ENTPD1: variants seen among roughly 807,000 people sequenced by gnomAD.
The protein encoded by ENTPD1 is ATP diphosphohydrolase.
In ENTPD1, 33 loss-of-function variants were observed where a neutral mutation model predicts 57.0. The observed-to-expected ratio is 0.58, with a 90% CI of 0.44 to 0.77. The LOEUF (loss-of-function observed/expected upper bound fraction) is 0.77, where lower values mean the gene tolerates loss of function less well. ENTPD1 is among the 30% of genes least tolerant of loss of function. The pLI is 0.00. For missense variants in ENTPD1, 501 were observed against 603.4 expected, an observed-to-expected ratio of 0.83 and a Z score of 1.78; for synonymous variants, 202 against 218.8, an observed-to-expected ratio of 0.92 and a Z score of 0.68.
In ENTPD1 at chr10:95,777,178, G is replaced by A. The variant is rs576030042; in HGVS notation, c.16+20923G>A. Among the ~76,000 whole-genome samples the A allele has an allele frequency of 9.9e-5, 15 of 152,270 alleles. No individual in the cohort carries two copies. The South Asian group carries it at 1.9e-3, about 19-fold the overall frequency. On this transcript the variant is annotated intron_variant, in intron 1 of 9. Coordinates refer to ENST00000371205, the MANE Select transcript of ENTPD1 (RefSeq NM_001776.6). Reference sequence around the variant, plus strand: ...CATCCAGCTTTGTTTCTTTGCTGGCGAGGAGCTGTGATCCTTTGGAGGAAA... The same window carrying A: ...CATCCAGCTTTGTTTCTTTGCTGGCAAGGAGCTGTGATCCTTTGGAGGAAA...
intron 2 of ENTPD1, among the ~76,000 whole-genome samples, chr10:95,828,045 C>T (rs1461490506): frequency 1.3e-5 from 2 of 152,104 alleles, no homozygotes; most frequent in African/African-American, 2.4e-5. Context: ...TCCTGAGAAG[C>T]TCTATCATTT....
At chr10:95,847,804 A>C in intron 7 of ENTPD1, 98 bp downstream of exon 7, 1 of 1,561,370 alleles carries the variant, frequency 6.4e-7, no homozygotes, top group East Asian at 2.2e-5. Flanking sequence ...TTTTTCTCTT[A>C]CATAATGTCT....
At chr10:95,813,211 G>A (rs1336274429) in intron 1 of ENTPD1, among the ~76,000 whole-genome samples, 1 of 152,220 alleles carries the variant, frequency 6.6e-6, no homozygotes, top group Non-Finnish European at 1.5e-5. Flanking sequence ...CATATCTGGA[G>A]GGAGGGGCAA....
chr10:95,876,247 T>C lies in ENTPD1; in HGVS notation c.*9864T>C, dbSNP rs1451233159. 3.1e-6 allele frequency: 3 copies of C among 978,256 alleles called. No individual in the cohort carries two copies. Among genetic ancestry groups the C allele is most frequent in the Non-Finnish European group, 3.6e-6 (3 of 823,496 alleles). The allele number at this position is 978,256 out of a possible 1,614,324, so 60.6% of individuals were successfully genotyped here. On this transcript the variant is annotated 3_prime_UTR_variant, in exon 10 of 10. Transcript: ENST00000371205. ...AGAAACACATAATGTAGATTGCTAA[T>C]TTTATAATAACACAAGTTGATTTTG...
intron 1 of ENTPD1, among the ~76,000 whole-genome samples, chr10:95,802,184 C>A (rs4396219): frequency 0.54 from 81,944 of 151,888 alleles, 22,520 homozygotes; most frequent in Admixed American, 0.63. Flanking sequence ...AGGAGAACTC[C>A]AAGTGAGGGC....
intron 8 of ENTPD1, chr10:95,861,348 T>C (rs1024202263): frequency 6.6e-6 from 1 of 152,222 alleles, no homozygotes; most frequent in Non-Finnish European, 1.5e-5. Context: ...AAGATGAAAA[T>C]CCAGGGATGA....
the ENTPD1 span, among the ~76,000 whole-genome samples, chr10:95,703,286 A>G: frequency 3.3e-5 from 5 of 152,226 alleles, no homozygotes; most frequent in South Asian, 4.1e-4. Context: ...TCTTCATGCT[A>G]AAGAGAAAAT....
chr10:95,734,725 C>T (rs1199318992), intron 1 of ENTPD1, among the ~76,000 whole-genome samples: 1 of 152,202 alleles, frequency 6.6e-6, no homozygotes, highest in Non-Finnish European at 1.5e-5. Context: ...TTATGGTAGT[C>T]ATATGTCACA....
chr10:95,844,385 T>C, intron 4 of ENTPD1, 91 bp from the exon 5 acceptor site: 2 of 1,560,164 alleles, frequency 1.3e-6, no homozygotes, highest in Non-Finnish European at 1.8e-6. Context: ...GTTCACTTCT[T>C]AGTAGCACTG....
At chr10:95,833,439 T>C (rs1028893851) in intron 2 of ENTPD1, 1 of 152,252 alleles carries the variant, frequency 6.6e-6, no homozygotes, top group Non-Finnish European at 1.5e-5. Flanking sequence ...GGTTTGTTTA[T>C]AGAGTACTAG....
At position 95,871,600 on chromosome 10, in the gene ENTPD1, C is replaced by CATT; in HGVS notation, c.*5217_*5218insATT. On this transcript the variant is annotated 3_prime_UTR_variant, in exon 10 of 10. Coordinates refer to ENST00000371205, the MANE Select transcript of ENTPD1 (RefSeq NM_001776.6). ...AATAGTGAGGAGGTGCCTCCATGAGCCTTCTCTTTAGAAAAGTGGCATTCA... is the reference window on the plus strand; with the variant it reads ...AATAGTGAGGAGGTGCCTCCATGAGCATTCTTCTCTTTAGAAAAGTGGCATTCA... 1.0e-6 allele frequency: 1 copy of CATT among 985,384 alleles called. No individual in the cohort carries two copies. The highest frequency in any genetic ancestry group is 4.7e-5 in the South Asian group (1 of 21,282). 61.0% of individuals were successfully genotyped at this position (985,384 alleles called of 1,614,324 possible). A position where few individuals can be genotyped will look rare whatever the true frequency, so the allele number is the denominator to read the frequency against.
At chr10:95,852,413 G>C (rs975981877) in intron 7 of ENTPD1, among the ~76,000 whole-genome samples, 1 of 152,114 alleles carries the variant, frequency 6.6e-6, no homozygotes, top group Non-Finnish European at 1.5e-5. Flanking sequence ...TTCTTTTGCT[G>C]TGCAGAAGCT....
chr10:95,864,679 G>C (rs772977118), intron 8 of ENTPD1, 45 bp from the exon 9 acceptor site: 1 of 1,613,320 alleles, frequency 6.2e-7, no homozygotes, highest in Non-Finnish European at 8.5e-7. Flanking sequence ...GCCACAGAGA[G>C]GTGCCTATCA....
chr10:95,847,791 G>A (rs1363207341), intron 7 of ENTPD1, 85 bp downstream of exon 7: 1 of 1,590,848 alleles, frequency 6.3e-7, no homozygotes, highest in Non-Finnish European at 8.6e-7. Flanking sequence ...ATAATAGGAT[G>A]CATTTTTCTC....
rs1270494847 is a variant in ENTPD1, at chr10:95,872,505, A to T, written c.*6122A>T. On this transcript the variant is annotated 3_prime_UTR_variant, in exon 10 of 10. Transcript: ENST00000371205. ...CATTTCAAATGCCCCTTCATTTGTG[A>T]AGCCTTCTCCAAATTTCCAAGTCAG... 1.0e-6 allele frequency: 1 copy of T among 984,686 alleles called. No individual in the cohort carries two copies. Among genetic ancestry groups the T allele is most frequent in the Non-Finnish European group, 1.2e-6 (1 of 829,368 alleles). 61.0% of individuals were successfully genotyped at this position (984,686 alleles called of 1,614,324 possible).
intron 1 of ENTPD1, among the ~76,000 whole-genome samples, chr10:95,723,613 G>A (rs2097980207): frequency 6.6e-6 from 1 of 152,146 alleles, no homozygotes; most frequent in South Asian, 2.1e-4. Context: ...GAGAATTTTG[G>A]GGCTACACTT....
intron 1 of ENTPD1, among the ~76,000 whole-genome samples, chr10:95,770,287 G>A (rs1282527834): frequency 6.7e-6 from 1 of 149,310 alleles, no homozygotes; most frequent in Non-Finnish European, 1.5e-5. Flanking sequence ...GTGTGTGTTG[G>A]AGTGGGGGAA....
chr10:95,868,505 C>T lies in ENTPD1; in HGVS notation c.*2122C>T, dbSNP rs1388758450. 12 of 985,156 alleles carry T rather than the reference C, an allele frequency of 1.2e-5. No individual in the cohort carries two copies. In the South Asian group the frequency reaches 2.8e-4, roughly 23 times the overall value. The allele number at this position is 985,156 out of a possible 1,614,324, so 61.0% of individuals were successfully genotyped here. ...TAGTAGATTGACATCAAATAGTGGC[C>T]GATGATGATGAAAATAAAGGTCAAA... is the stretch of plus-strand genomic sequence containing the variant. On this transcript the variant is annotated 3_prime_UTR_variant, in exon 10 of 10. Coordinates refer to ENST00000371205, the MANE Select transcript of ENTPD1 (RefSeq NM_001776.6).
intron 3 of ENTPD1, among the ~76,000 whole-genome samples, chr10:95,840,257 T>C (rs999882486): frequency 4.6e-5 from 7 of 152,262 alleles, no homozygotes; most frequent in Non-Finnish European, 1.0e-4. Context: ...AGTCTGCATC[T>C]TAGCCAGTGC....
Sources: gnomAD v4.1 joint callset for allele counts (sites outside exome capture counted in the v4.1 genomes callset) on GRCh38, gnomAD v4.1.1 for gene constraint, MANE v1.5 for transcripts, NCBI Gene and HGNC (gene_info 2026-07-23, HGNC 2026-07-21) for gene names.